The following SH3GL2 variants were observed in gnomAD, a reference collection of about 807,000 sequenced individuals.
SH3GL2 encodes the protein SH3 domain containing GRB2 like 2, endophilin A1.
A neutral mutation model predicts 46.0 loss-of-function variants in SH3GL2; 24 were observed. The ratio of observed to expected loss-of-function variants is 0.52; its 90% confidence interval spans 0.38 to 0.73. SH3GL2 has a LOEUF of 0.73. Ranked by LOEUF, SH3GL2 falls within the 30% of genes least tolerant of loss-of-function variation. The pLI, the probability that SH3GL2 is intolerant of heterozygous loss-of-function variation, is 0.00. For missense variants in SH3GL2, 413 were observed against 424.2 expected (o/e 0.97, Z 0.23); for synonymous variants, 196 against 147.1 (o/e 1.33, Z -2.40).
chr9:17,764,516 G>A (rs931589284), intron 3 of SH3GL2, among the ~76,000 whole-genome samples: 1 of 152,246 alleles, frequency 6.6e-6, no homozygotes, highest in African/African-American at 2.4e-5. Context: ...AACCAGTGTG[G>A]ATACTGAATG....
chr9:17,781,420 ATGT>A (rs1823805049), intron 3 of SH3GL2, among the ~76,000 whole-genome samples: 1 of 145,508 alleles, frequency 6.9e-6, no homozygotes, highest in Non-Finnish European at 1.5e-5. Context: ...ATTTTCTCCC[ATGT>A]TGTAGGTTGC....
chr9:17,579,207 T>G lies in SH3GL2; in HGVS notation c.-36T>G. 6.6e-7 allele frequency: 1 copy of G among 1,509,062 alleles called. No individual in the cohort carries two copies. The highest frequency in any genetic ancestry group is 8.9e-7 in the Non-Finnish European group (1 of 1,123,802). 93.5% of individuals were successfully genotyped at this position (1,509,062 alleles called of 1,614,324 possible). A position where few individuals can be genotyped will look rare whatever the true frequency, so the allele number is the denominator to read the frequency against. ...CTCCAGTCCCCCTCCGCCTCCTCCC[T>G]CCCGCACAGCAGCCGCCAGCGCGGC... On this transcript the variant is annotated 5_prime_UTR_variant, in exon 1 of 9. Transcript: ENST00000380607.
At chr9:17,661,408 G>A (rs7875763) in intron 1 of SH3GL2, among the ~76,000 whole-genome samples, 79,334 of 151,870 alleles carry the variant, frequency 0.52, 21,579 homozygotes, top group African/African-American at 0.64. Flanking sequence ...GAACAAAGAT[G>A]TGTACACAGT....
intron 1 of SH3GL2, among the ~76,000 whole-genome samples, chr9:17,661,166 A>C (rs1820202615): frequency 6.6e-6 from 1 of 151,532 alleles, no homozygotes; most frequent in African/African-American, 2.4e-5. Context: ...CGTCTCAAAA[A>C]ACAAAAACAA....
At chr9:17,680,697 C>G (rs60730170) in intron 1 of SH3GL2, among the ~76,000 whole-genome samples, 1 of 152,094 alleles carries the variant, frequency 6.6e-6, no homozygotes, top group East Asian at 1.9e-4. Context: ...GCTGTTGCTT[C>G]TCTAGTTCTT....
At chr9:17,782,184 G>A (rs960797732) in intron 3 of SH3GL2, among the ~76,000 whole-genome samples, 3 of 152,134 alleles carry the variant, frequency 2.0e-5, no homozygotes, top group South Asian at 2.1e-4. Flanking sequence ...ATTGTTTCCA[G>A]TGTAACCTCC....
chr9:17,664,702 T>C (rs1820300200), intron 1 of SH3GL2, among the ~76,000 whole-genome samples: 2 of 151,328 alleles, frequency 1.3e-5, no homozygotes, highest in African/African-American at 4.8e-5. Context: ...TTCTATAATA[T>C]AGAAATATAT....
intron 1 of SH3GL2, among the ~76,000 whole-genome samples, chr9:17,688,574 C>T (rs1588241501): frequency 6.6e-6 from 1 of 151,994 alleles, no homozygotes; most frequent in East Asian, 1.9e-4. Context: ...GGAGAAATGG[C>T]TGATTCTAGT....
chr9:17,789,273 G>A (rs560946342), intron 5 of SH3GL2, 119 bp from the exon 6 acceptor site: 3 of 754,952 alleles, frequency 4.0e-6, no homozygotes, highest in Non-Finnish European at 6.6e-6. Flanking sequence ...TGGTGGCGTT[G>A]TATTTTAAAA....
intron 1 of SH3GL2, among the ~76,000 whole-genome samples, chr9:17,694,050 C>T (rs1187175261): frequency 6.6e-6 from 1 of 152,098 alleles, no homozygotes; most frequent in Non-Finnish European, 1.5e-5. Flanking sequence ...GTGCTTCTCT[C>T]GTTTTTCTAG....
intron 1 of SH3GL2, among the ~76,000 whole-genome samples, chr9:17,656,633 G>T (rs1223067294): frequency 6.6e-6 from 1 of 151,978 alleles, no homozygotes; most frequent in Non-Finnish European, 1.5e-5. Context: ...AGTGGTAGCT[G>T]TTGAAATTAT....
intron 1 of SH3GL2, among the ~76,000 whole-genome samples, chr9:17,611,548 T>C (rs1325261048): frequency 6.6e-6 from 1 of 152,236 alleles, no homozygotes; most frequent in Non-Finnish European, 1.5e-5. Flanking sequence ...GTGACCTGTA[T>C]ATGGGATGTA....
intron 1 of SH3GL2, among the ~76,000 whole-genome samples, chr9:17,583,147 C>G (rs534888200): frequency 6.6e-6 from 1 of 152,256 alleles, no homozygotes; most frequent in African/African-American, 2.4e-5. Flanking sequence ...CCACAGTATT[C>G]TATATTTGAT....
chr9:17,713,204 C>T (rs751059359), intron 1 of SH3GL2, among the ~76,000 whole-genome samples: 3 of 151,292 alleles, frequency 2.0e-5, no homozygotes, highest in Non-Finnish European at 3.0e-5. Context: ...CTATATTCCT[C>T]GGATAAACTC....
chr9:17,600,650 A>G (rs574152935), intron 1 of SH3GL2, among the ~76,000 whole-genome samples: 1 of 152,336 alleles, frequency 6.6e-6, no homozygotes, highest in Admixed American at 6.5e-5. Context: ...TGATTTCAGA[A>G]CTACAAACAG....
At chr9:17,704,734 G>A (rs1821426951) in intron 1 of SH3GL2, among the ~76,000 whole-genome samples, 1 of 152,052 alleles carries the variant, frequency 6.6e-6, no homozygotes, top group Non-Finnish European at 1.5e-5. Flanking sequence ...TAGCCAATAT[G>A]CAGAAGATTG....
chr9:17,644,580 A>C (rs940881184), intron 1 of SH3GL2, among the ~76,000 whole-genome samples: 1 of 152,150 alleles, frequency 6.6e-6, no homozygotes, highest in African/African-American at 2.4e-5. Flanking sequence ...TTTGATATTT[A>C]CCTTGTAGTC....
At chr9:17,641,600 T>C (rs1342602320) in intron 1 of SH3GL2, among the ~76,000 whole-genome samples, 1 of 152,050 alleles carries the variant, frequency 6.6e-6, no homozygotes, top group East Asian at 1.9e-4. Flanking sequence ...TGCCCCACAT[T>C]CCCTGACAGG....
At chr9:17,582,980 T>C (rs570005806) in intron 1 of SH3GL2, among the ~76,000 whole-genome samples, 17 of 152,364 alleles carry the variant, frequency 1.1e-4, no homozygotes, top group African/African-American at 3.8e-4. Context: ...AAGCCCATCC[T>C]ACTCCAGTAT....
Sources: gnomAD v4.1 joint callset for allele counts (sites outside exome capture counted in the v4.1 genomes callset) on GRCh38, gnomAD v4.1.1 for gene constraint, MANE v1.5 for transcripts, NCBI Gene and HGNC (gene_info 2026-07-23, HGNC 2026-07-21) for gene names.